Variants in CSMD1 observed in about 807,000 individuals in gnomAD.
CSMD1 encodes CUB and Sushi multiple domains 1, also known as CUB and sushi domain-containing protein 1.
Under a neutral mutation model 417.5 loss-of-function variants are expected in CSMD1, and 213 were observed. The observed-to-expected ratio is 0.51, with a 90% CI of 0.46 to 0.57. The LOEUF (loss-of-function observed/expected upper bound fraction) is 0.57, where lower values mean the gene tolerates loss of function less well. CSMD1 is among the 20% of genes least tolerant of loss of function. The pLI is 0.00. For synonymous variants in CSMD1, 2,862 were observed against 1,736.8 expected (o/e 1.65, Z -16.11); for missense variants, 6,923 against 4,529.7 (o/e 1.53, Z -15.17).
chr8:4,280,068 T>C (rs1335793855), intron 3 of CSMD1, among the ~76,000 whole-genome samples: 1 of 152,252 alleles, frequency 6.6e-6, no homozygotes, highest in Non-Finnish European at 1.5e-5. Flanking sequence ...GAGCGTTAAC[T>C]AACGCGTTGA....
At chr8:4,287,132 G>C (rs573173871) in intron 3 of CSMD1, among the ~76,000 whole-genome samples, 273 of 152,184 alleles carry the variant, frequency 1.8e-3, no homozygotes, top group Non-Finnish European at 2.5e-3. Flanking sequence ...TCAACACCTA[G>C]TCTGTTAATG....
intron 3 of CSMD1, among the ~76,000 whole-genome samples, chr8:4,226,533 G>C (rs569786475): frequency 6.6e-6 from 1 of 152,112 alleles, no homozygotes; most frequent in African/African-American, 2.4e-5. Context: ...AATTAGCCTT[G>C]ATCCTAAAAA....
chr8:4,082,225 G>A (rs184698106), intron 3 of CSMD1, among the ~76,000 whole-genome samples: 88 of 152,142 alleles, frequency 5.8e-4, no homozygotes, highest in Non-Finnish European at 1.0e-3. Flanking sequence ...TGACCACACA[G>A]GTAAAATGGA....
At chr8:4,277,576 T>C (rs770688780) in intron 3 of CSMD1, among the ~76,000 whole-genome samples, 1 of 152,186 alleles carries the variant, frequency 6.6e-6, no homozygotes, top group African/African-American at 2.4e-5. Context: ...TGCATGTCTA[T>C]ACTCATGAAA....
chr8:3,527,738 A>C (rs1416194051), intron 10 of CSMD1, among the ~76,000 whole-genome samples: 1 of 152,186 alleles, frequency 6.6e-6, no homozygotes, highest in Non-Finnish European at 1.5e-5. Flanking sequence ...GGGTGAAACG[A>C]AGACAGGACT....
chr8:4,492,875 C>T (rs529486665), intron 2 of CSMD1, among the ~76,000 whole-genome samples: 1 of 152,312 alleles, frequency 6.6e-6, no homozygotes, highest in East Asian at 1.9e-4. Flanking sequence ...TTGAAAAATA[C>T]ATTTTTCATT....
At chr8:3,486,538 A>T (rs1176859819) in intron 11 of CSMD1, among the ~76,000 whole-genome samples, 1 of 152,096 alleles carries the variant, frequency 6.6e-6, no homozygotes, top group African/African-American at 2.4e-5. Flanking sequence ...GGCTCCTCAG[A>T]GAAAATAGCC....
intron 3 of CSMD1, among the ~76,000 whole-genome samples, chr8:4,212,707 A>T (rs1265131621): frequency 2.9e-4 from 44 of 150,678 alleles, no homozygotes; most frequent in Admixed American, 2.9e-3. Flanking sequence ...AACCACATAC[A>T]TGAATATGAA....
chr8:3,143,357 C>T (rs997268188), intron 40 of CSMD1, among the ~76,000 whole-genome samples: 5 of 152,168 alleles, frequency 3.3e-5, no homozygotes, highest in East Asian at 1.9e-4. Context: ...ATCTAATCAA[C>T]CGCACCATAA....
At chr8:3,155,358 G>GTTTT (rs763097673) in intron 39 of CSMD1, among the ~76,000 whole-genome samples, 7 of 48,106 alleles carry the variant, frequency 1.5e-4, no homozygotes, top group South Asian at 9.9e-4. Context: ...TCAAGGCTGG[G>GTTTT]ATTTTTTTTT....
intron 4 of CSMD1, among the ~76,000 whole-genome samples, chr8:4,000,693 C>T (rs905815633): frequency 3.3e-5 from 5 of 151,854 alleles, no homozygotes; most frequent in South Asian, 2.1e-4. Context: ...AAACATATCA[C>T]ACACATTAAT....
chr8:3,713,574 G>A (rs1187462114), intron 6 of CSMD1, among the ~76,000 whole-genome samples: 1 of 152,034 alleles, frequency 6.6e-6, no homozygotes, highest in Admixed American at 6.6e-5. Context: ...CCTCTCTTAG[G>A]AAACCAAGTC....
chr8:3,615,357 C>G (rs1030104902), intron 8 of CSMD1, among the ~76,000 whole-genome samples: 5 of 152,156 alleles, frequency 3.3e-5, no homozygotes, highest in African/African-American at 1.2e-4. Context: ...TAGCTCTTTA[C>G]TCCAATTCTA....
At chr8:3,226,548 C>G (rs1182342983) in intron 27 of CSMD1, among the ~76,000 whole-genome samples, 1 of 146,936 alleles carries the variant, frequency 6.8e-6, no homozygotes, top group African/African-American at 2.5e-5. Context: ...CACCACTGCA[C>G]TCCAGCTTAT....
At chr8:4,460,933 C>G (rs1441654227) in intron 2 of CSMD1, among the ~76,000 whole-genome samples, 1 of 151,906 alleles carries the variant, frequency 6.6e-6, no homozygotes, top group East Asian at 1.9e-4. Flanking sequence ...AGGTCAATAC[C>G]CCAATATCAA....
intron 4 of CSMD1, among the ~76,000 whole-genome samples, chr8:4,022,665 G>A (rs1261834440): frequency 1.3e-5 from 2 of 152,164 alleles, no homozygotes; most frequent in Non-Finnish European, 2.9e-5. Flanking sequence ...GGAGAGAAAT[G>A]TGGTAGATTT....
At chr8:4,289,421 C>G (rs954605884) in intron 3 of CSMD1, among the ~76,000 whole-genome samples, 1 of 84,614 alleles carries the variant, frequency 1.2e-5, no homozygotes, top group African/African-American at 3.8e-5. Context: ...GCCTGTGTTT[C>G]TCCTATTTTT....
intron 1 of CSMD1, among the ~76,000 whole-genome samples, chr8:4,872,062 C>A (rs1220330467): frequency 6.6e-6 from 1 of 152,086 alleles, no homozygotes; most frequent in African/African-American, 2.4e-5. Flanking sequence ...AAATAACTTG[C>A]AAATTCCCTA....
chr8:3,357,420 C>T (rs1184083499), intron 21 of CSMD1, among the ~76,000 whole-genome samples: 2 of 152,180 alleles, frequency 1.3e-5, no homozygotes, highest in African/African-American at 2.4e-5. Flanking sequence ...GGACTAAACA[C>T]GTTATTACAT....
Sources: allele counts gnomAD v4.1 joint callset (sites outside exome capture counted in the v4.1 genomes callset), GRCh38; gene constraint gnomAD v4.1.1; transcripts MANE v1.5; gene names NCBI Gene and HGNC (gene_info 2026-07-23, HGNC 2026-07-21).